The following ARMC8 variants were observed in gnomAD, a reference collection of about 807,000 sequenced individuals.
The protein encoded by ARMC8 is armadillo repeat-containing protein 8.
ARMC8 carries 20 observed loss-of-function variants against 99.3 expected under a neutral mutation model. The ratio of observed to expected loss-of-function variants is 0.20; its 90% confidence interval spans 0.14 to 0.29. The LOEUF (loss-of-function observed/expected upper bound fraction) is 0.29, where lower values mean the gene tolerates loss of function less well. Among genes scored for constraint, ARMC8 ranks in the 10% least tolerant of loss-of-function variants. The probability of loss-of-function intolerance (pLI) is 1.00; values close to 1 mark genes in which losing one functional copy is unlikely to be tolerated. For missense variants in ARMC8, 569 were observed against 809.5 expected, an observed-to-expected ratio of 0.70 and a Z score of 3.60; for synonymous variants, 263 against 278.3, an observed-to-expected ratio of 0.95 and a Z score of 0.55.
At chr3:138,195,818 T>C (rs1483041462) in intron 1 of ARMC8, among the ~76,000 whole-genome samples, 3 of 151,004 alleles carry the variant, frequency 2.0e-5, no homozygotes, top group African/African-American at 7.3e-5. Flanking sequence ...AGAGCAGTTT[T>C]ACAGAAATAG....
At chr3:138,250,471 T>C (rs1476246634) in intron 12 of ARMC8, among the ~76,000 whole-genome samples, 2 of 152,162 alleles carry the variant, frequency 1.3e-5, no homozygotes. Context: ...TTTAGAAACA[T>C]AGGCTCTTTC....
At chr3:138,214,026 C>A (rs1473197353) in intron 2 of ARMC8, among the ~76,000 whole-genome samples, 1 of 151,908 alleles carries the variant, frequency 6.6e-6, no homozygotes, top group African/African-American at 2.4e-5. Flanking sequence ...GTGGTACGTG[C>A]CTGTAGTCCC....
chr3:138,187,340 C>T lies in ARMC8; in HGVS notation c.-215C>T. ...CCCAGGCTCAGAGTAGCTGCTGTTTCTGAGAGAACGATTCGTAGGACAGCC... is the reference window on the plus strand; with the variant it reads ...CCCAGGCTCAGAGTAGCTGCTGTTTTTGAGAGAACGATTCGTAGGACAGCC... On this transcript the variant is annotated 5_prime_UTR_variant, in exon 1 of 22. Transcript: ENST00000469044. 1.9e-6 allele frequency: 1 copy of T among 527,496 alleles called. No homozygotes were observed. The highest frequency in any genetic ancestry group is 3.4e-6 in the Non-Finnish European group (1 of 295,292). The allele number at this position is 527,496 out of a possible 1,614,324, so 32.7% of individuals were successfully genotyped here.
intron 5 of ARMC8, among the ~76,000 whole-genome samples, chr3:138,228,357 TA>T (rs1289166408): frequency 1.3e-5 from 2 of 152,226 alleles, no homozygotes; most frequent in Non-Finnish European, 2.9e-5. Flanking sequence ...TCTGTGCTTT[TA>T]CATAGGTTCT....
intron 12 of ARMC8, among the ~76,000 whole-genome samples, chr3:138,253,029 T>C (rs1045133928): frequency 6.6e-6 from 1 of 152,112 alleles, no homozygotes; most frequent in African/African-American, 2.4e-5. Flanking sequence ...GGCTTTGGGT[T>C]ATGATTGGAA....
chr3:138,246,318 G>T (rs2046878943), intron 12 of ARMC8: 3 of 985,614 alleles, frequency 3.0e-6, no homozygotes, highest in Non-Finnish European at 3.6e-6. Context: ...GACTTGAAGT[G>T]TTTTTAGTGT....
At position 138,235,041 on chromosome 3, in the gene ARMC8, A is replaced by G; in HGVS notation, c.536A>G (p.Asp179Gly). Residue 179 changes from aspartate to glycine, a missense_variant, in exon 7 of 22, where the codon GAT becomes GGT. This residue lies in a region of ARMC8 where 342 missense variants were observed against 391.6 expected (regional missense o/e 0.87). Transcript: ENST00000469044. ...QIFSHCCKGP[D>G]HQTILFNHGA... ...TATTCTTTTTTCTTACAGGGGCCAG[A>G]TCATCAAACAATTTTATTTAACCAC... The G allele has an allele frequency of 6.2e-7, 1 of 1,613,510 alleles. No individual in the cohort carries two copies. Among genetic ancestry groups the G allele is most frequent in the Non-Finnish European group, 8.5e-7 (1 of 1,179,532 alleles).
intron 1 of ARMC8, among the ~76,000 whole-genome samples, chr3:138,206,459 A>G (rs559407471): frequency 2.0e-5 from 3 of 152,128 alleles, no homozygotes; most frequent in East Asian, 3.9e-4. Flanking sequence ...ATGGCCTCCT[A>G]TTCTTTGATT....
At chr3:138,233,878 T>G (rs2046192195) in intron 6 of ARMC8, among the ~76,000 whole-genome samples, 1 of 152,244 alleles carries the variant, frequency 6.6e-6, no homozygotes, top group South Asian at 2.1e-4. Context: ...ATATCATCCC[T>G]GTGTTGGCTT....
chr3:138,291,066 C>T (rs368506756), intron 21 of ARMC8, among the ~76,000 whole-genome samples: 1 of 152,234 alleles, frequency 6.6e-6, no homozygotes, highest in African/African-American at 2.4e-5. Flanking sequence ...AATCACTGTC[C>T]TCAAAGAGCT....
chr3:138,221,104 G>A (rs572060676), intron 2 of ARMC8, among the ~76,000 whole-genome samples: 1 of 152,168 alleles, frequency 6.6e-6, no homozygotes, highest in Non-Finnish European at 1.5e-5. Context: ...GTGATCAGTG[G>A]TAGAGGTTCT....
chr3:138,282,601 C>T (rs181342561), intron 18 of ARMC8, among the ~76,000 whole-genome samples: 1 of 143,882 alleles, frequency 7.0e-6, no homozygotes, highest in Admixed American at 7.2e-5. Context: ...AGCCCAGATG[C>T]ACTCTAGCCT....
chr3:138,223,397 A>G lies in ARMC8; in HGVS notation c.203A>G (p.Tyr68Cys), dbSNP rs2045511998. ...AAGTTCCTTCTTTTTAGATTGTTGT[A>G]CTTGCTTCAGCAAGAAACCTCAAGC... ...IVLGAVPRLL[Y>C]LLQQETSSTE... is the part of the protein sequence containing the mutation. Residue 68 changes from tyrosine to cysteine, a missense_variant, in exon 4 of 22, where the codon TAC becomes TGC. This residue lies in a region of ARMC8 where 342 missense variants were observed against 391.6 expected (regional missense o/e 0.87). Transcript: ENST00000469044. 1 of 1,613,906 alleles carries G rather than the reference A, an allele frequency of 6.2e-7. No individual in the cohort carries two copies. The highest frequency in any genetic ancestry group is 1.1e-5 in the South Asian group (1 of 91,040).
chr3:138,278,362 C>T (rs888940975), intron 18 of ARMC8, among the ~76,000 whole-genome samples: 3 of 151,774 alleles, frequency 2.0e-5, no homozygotes, highest in African/African-American at 7.3e-5. Flanking sequence ...AAAAATTAGC[C>T]AGGTATGGTC....
At chr3:138,243,392 A>G (rs1401681252) in intron 11 of ARMC8, among the ~76,000 whole-genome samples, 1 of 152,200 alleles carries the variant, frequency 6.6e-6, no homozygotes, top group Non-Finnish European at 1.5e-5. Flanking sequence ...AAGTATAGAC[A>G]CTAGACCCGT....
At chr3:138,260,440 T>C (rs2047647419) in intron 12 of ARMC8, among the ~76,000 whole-genome samples, 1 of 152,228 alleles carries the variant, frequency 6.6e-6, no homozygotes, top group Non-Finnish European at 1.5e-5. Flanking sequence ...TTCCCCTGCT[T>C]CACCCACTAG....
At chr3:138,235,428 A>T (rs1401395852) in intron 7 of ARMC8, among the ~76,000 whole-genome samples, 2 of 152,232 alleles carry the variant, frequency 1.3e-5, no homozygotes, top group Non-Finnish European at 2.9e-5. Flanking sequence ...TTCTATATCA[A>T]GAAGGAACAG....
At chr3:138,224,570 T>TAATA (rs1359030448) in intron 5 of ARMC8, among the ~76,000 whole-genome samples, 1 of 152,138 alleles carries the variant, frequency 6.6e-6, no homozygotes, top group African/African-American at 2.4e-5. Context: ...GCCAACACGG[T>TAATA]GAAACTCCCA....
intron 12 of ARMC8, among the ~76,000 whole-genome samples, chr3:138,259,495 A>G (rs2047560586): frequency 6.6e-6 from 1 of 152,152 alleles, no homozygotes; most frequent in African/African-American, 2.4e-5. Context: ...CTAATTTTAT[A>G]TTGTTTTTCA....
Sources: gnomAD v4.1 joint callset for allele counts (sites outside exome capture counted in the v4.1 genomes callset) on GRCh38, gnomAD v4.1.1 for gene constraint, gnomAD v4.1.1 regional missense constraint, MANE v1.5 for transcripts, NCBI Gene and HGNC (gene_info 2026-07-23, HGNC 2026-07-21) for gene names.